The following ADCY9 variants were observed in gnomAD, a reference collection of about 807,000 sequenced individuals.
The protein encoded by ADCY9 is adenylate cyclase 9.
ADCY9 carries 50 observed loss-of-function variants against 101.5 expected under a neutral mutation model. The observed-to-expected ratio is 0.49, with a 90% confidence interval of 0.39 to 0.62. ADCY9 has a LOEUF of 0.62. Ranked by LOEUF, ADCY9 falls within the 20% of genes least tolerant of loss-of-function variation. The pLI is 0.00. For synonymous variants in ADCY9, 905 were observed against 769.3 expected, an observed-to-expected ratio of 1.18 and a Z score of -2.92; for missense variants, 1,662 against 1,800.4, an observed-to-expected ratio of 0.92 and a Z score of 1.39.
At chr16:4,094,636 A>G (rs2056991930) in intron 2 of ADCY9, among the ~76,000 whole-genome samples, 1 of 152,186 alleles carries the variant, frequency 6.6e-6, no homozygotes, top group Admixed American at 6.6e-5. Context: ...CTAATAAGAA[A>G]AAAAAAAGGG....
At chr16:3,958,783 T>G (rs2055922224), downstream of ADCY9, among the ~76,000 whole-genome samples, 2 of 150,264 alleles carry the variant, frequency 1.3e-5, no homozygotes, top group African/African-American at 2.4e-5. Flanking sequence ...GCGATTCTCG[T>G]GCCTTAGCCT....
intron 2 of ADCY9, 148 bp from the exon 3 acceptor site, chr16:4,007,706 C>T (rs58384172): frequency 0.058 from 36,433 of 625,060 alleles, 1,841 homozygotes; most frequent in Admixed American, 0.19. Flanking sequence ...GACGGACGTC[C>T]ACGATCTCTC....
Position 4,108,673 on chromosome 16 carries a change from A to G in ADCY9, c.1693+5077T>C, listed in dbSNP as rs1411196961. 4.3e-5 allele frequency among the ~76,000 whole-genome samples: 5 copies of G among 115,622 alleles called. No individual in the cohort carries two copies. In the East Asian group the frequency reaches 1.1e-3, roughly 25 times the overall value. The allele number at this position is 115,622 out of a possible 152,430, so 75.9% of individuals were successfully genotyped here. A position where few individuals can be genotyped will look rare whatever the true frequency, so the allele number is the denominator to read the frequency against. On this transcript the variant is annotated intron_variant, in intron 2 of 10. Transcript: ENST00000294016. Reference sequence around the variant, plus strand: ...AGGCATGAGCCACCACGCCCGGCCCATTTCTCCATATCTTTAATAACTGTC... The same window carrying G: ...AGGCATGAGCCACCACGCCCGGCCCGTTTCTCCATATCTTTAATAACTGTC...
chr16:3,994,752 C>A (rs556908954), intron 3 of ADCY9, among the ~76,000 whole-genome samples: 8 of 152,304 alleles, frequency 5.3e-5, no homozygotes, highest in African/African-American at 1.9e-4. Context: ...GCCACTGTGC[C>A]TGGCCAAAAA....
chr16:3,986,257 G>A (rs554176324), intron 6 of ADCY9, among the ~76,000 whole-genome samples: 1 of 152,294 alleles, frequency 6.6e-6, no homozygotes, highest in Admixed American at 6.5e-5. Flanking sequence ...CACCCACGTG[G>A]AGCCCCCAGC....
chr16:4,061,858 A>T (rs890631640), intron 2 of ADCY9, among the ~76,000 whole-genome samples: 2 of 152,272 alleles, frequency 1.3e-5, no homozygotes, highest in African/African-American at 4.8e-5. Context: ...TAACTGATTT[A>T]AAAGACAAGT....
In ADCY9 at chr16:3,992,678, C is replaced by T. The variant is rs1567428096; in HGVS notation, c.1990-315G>A. ...AAGGGAGGAAAGTGAGGAGCCGAGG[C>T]CCCCAGAGTCTGCTTAGGCCAGAAC... On this transcript the variant is annotated intron_variant, in intron 4 of 10. Transcript: ENST00000294016. The surrounding 1 kb of genome is among the most constrained non-coding windows in gnomAD (Gnocchi z 4.2). Among the ~76,000 whole-genome samples the T allele has an allele frequency of 6.6e-6, 1 of 152,156 alleles. No homozygotes were observed. The highest frequency in any genetic ancestry group is 2.1e-4 in the South Asian group (1 of 4,822).
At chr16:4,087,544 A>C (rs1215832626) in intron 2 of ADCY9, among the ~76,000 whole-genome samples, 1 of 19,708 alleles carries the variant, frequency 5.1e-5, no homozygotes, top group Non-Finnish European at 1.3e-4. Context: ...TCAAAAAGAT[A>C]AAAAAAAAAA....
At position 3,979,058 on chromosome 16, in the gene ADCY9, A is replaced by G. The variant is rs976975587; in HGVS notation, c.2679+58T>C. On this transcript the variant is annotated intron_variant, in intron 8 of 10. Coordinates refer to ENST00000294016, the MANE Select transcript of ADCY9 (RefSeq NM_001116.4). The stretch of plus-strand genomic sequence containing the variant: ...TTGCTATCCCAAGTGATTTAAAGAA[A>G]AGAGAGATTAGGGAGTCCAGGAGAG... 2.4e-5 allele frequency: 38 copies of G among 1,599,436 alleles called. No individual in the cohort carries two copies. In the Middle Eastern group the frequency reaches 1.2e-3, roughly 49 times the overall value.
chr16:3,988,308 G>T (rs1463468679), intron 6 of ADCY9, among the ~76,000 whole-genome samples: 6 of 152,014 alleles, frequency 3.9e-5, no homozygotes, highest in Non-Finnish European at 8.8e-5. Context: ...GTTAGAGAGA[G>T]AGGTGAAGGC....
intron 6 of ADCY9, chr16:3,984,008 G>C (rs933598845): frequency 2.0e-5 from 3 of 153,014 alleles, no homozygotes; most frequent in African/African-American, 7.2e-5. Flanking sequence ...AGGATTGCTT[G>C]AGCCCAGGAG....
At chr16:4,024,161 T>C (rs575303029) in intron 2 of ADCY9, among the ~76,000 whole-genome samples, 80 of 152,000 alleles carry the variant, frequency 5.3e-4, no homozygotes, top group Non-Finnish European at 7.7e-4. Flanking sequence ...TAGCTGGGAT[T>C]ACAGGCACCA....
At chr16:4,089,220 G>T (rs552640761) in intron 2 of ADCY9, among the ~76,000 whole-genome samples, 1 of 152,102 alleles carries the variant, frequency 6.6e-6, no homozygotes, top group Admixed American at 6.5e-5. Context: ...GACCACAGGT[G>T]CATGCCACCA....
At chr16:3,970,149 T>G (rs140379843) in intron 10 of ADCY9, among the ~76,000 whole-genome samples, 13 of 152,130 alleles carry the variant, frequency 8.5e-5, no homozygotes, top group African/African-American at 2.9e-4. Flanking sequence ...TACTTATATA[T>G]GCGACTGGCG....
At chr16:3,979,043 A>G in intron 8 of ADCY9, 73 bp downstream of exon 8, 1 of 1,580,084 alleles carries the variant, frequency 6.3e-7, no homozygotes, top group African/African-American at 1.3e-5. Flanking sequence ...TTGCTATCCC[A>G]AGTGATTTAA....
intron 2 of ADCY9, among the ~76,000 whole-genome samples, chr16:4,014,956 T>TTC (rs2056428385): frequency 6.8e-6 from 1 of 146,040 alleles, no homozygotes; most frequent in Non-Finnish European, 1.5e-5. Context: ...TTTTTTTTTT[T>TTC]TTTGAGACAG....
Position 4,114,603 on chromosome 16 carries a change from C to G in ADCY9, c.840G>C (p.Glu280Asp). 1 of 1,613,858 alleles carries G rather than the reference C, an allele frequency of 6.2e-7. No individual in the cohort carries two copies. Among genetic ancestry groups the G allele is most frequent in the Non-Finnish European group, 8.5e-7 (1 of 1,180,048 alleles). Residue 280 changes from glutamate to aspartate, a missense_variant, in exon 2 of 11, where the codon GAG (glutamate) becomes GAC (aspartate). Transcript: ENST00000294016. The surrounding 1 kb of genome is among the most constrained non-coding windows in gnomAD (Gnocchi z 4.3). ...PSPGAGALHW[E>D]LLSRGLLHGC... ...CGTGGAGCAGCCCCCTGCTCAGCAG[C>G]TCCCAGTGCAGGGCCCCGGCTCCGG...
intron 2 of ADCY9, among the ~76,000 whole-genome samples, chr16:4,070,259 A>C (rs993895767): frequency 6.6e-6 from 1 of 152,060 alleles, no homozygotes; most frequent in Non-Finnish European, 1.5e-5. Context: ...ATTTTCACGC[A>C]TATATTTTTC....
rs186608028 is a variant in ADCY9, at chr16:4,038,161, G to T, written c.1694-30603C>A. Among the ~76,000 whole-genome samples, 319 of 152,068 alleles carry T rather than the reference G, an allele frequency of 2.1e-3. 7 individuals are homozygous for T. Among genetic ancestry groups the T allele is most frequent in the Admixed American group, 0.019 (292 of 15,252 alleles). On this transcript the variant is annotated intron_variant, in intron 2 of 10. Transcript: ENST00000294016. ...CCAGACGTGGTGGCACACGCCTGTGGTCTCAGCTACAAGGGAGGCTGAGGT... is the reference window on the plus strand; with the variant it reads ...CCAGACGTGGTGGCACACGCCTGTGTTCTCAGCTACAAGGGAGGCTGAGGT...
Sources: gnomAD v4.1 joint callset for allele counts (sites outside exome capture counted in the v4.1 genomes callset) on GRCh38, gnomAD v4.1.1 for gene constraint, Gnocchi (gnomAD v3.1) non-coding constraint, MANE v1.5 for transcripts, NCBI Gene and HGNC (gene_info 2026-07-23, HGNC 2026-07-21) for gene names.